BCAT1: variants seen among roughly 807,000 people sequenced by gnomAD.
The protein encoded by BCAT1 is branched chain amino acid transaminase 1.
A neutral mutation model predicts 52.4 loss-of-function variants in BCAT1; 48 were observed. The observed-to-expected ratio is 0.92, with a 90% CI of 0.73 to 1.16. The LOEUF (loss-of-function observed/expected upper bound fraction) is 1.16, where lower values mean the gene tolerates loss of function less well. Among genes scored for constraint, BCAT1 ranks in the 50% most tolerant of loss-of-function variants. The probability of loss-of-function intolerance (pLI) is 0.00; values close to 1 mark genes in which losing one functional copy is unlikely to be tolerated. For missense variants in BCAT1, 451 were observed against 457.1 expected (o/e 0.99, Z 0.12); for synonymous variants, 167 against 161.3 (o/e 1.04, Z -0.27).
Position 24,881,327 on chromosome 12 carries a change from G to A in BCAT1, c.364C>T (p.Arg122Cys), listed in dbSNP as rs754236756. Residue 122 changes from arginine (R) to cysteine (C), a missense_variant, in exon 4 of 11, where the codon CGC becomes TGC. Coordinates refer to ENST00000261192, the MANE Select transcript of BCAT1 (RefSeq NM_005504.7). ...QPNLNMDRMYRSAVRATLPVF... is the reference protein window; with the variant it reads ...QPNLNMDRMYCSAVRATLPVF... ...GGCAGAGTTGCCCTCACAGCAGAGC[G>A]ATACATTCTATCCATGTTGAGGTTT... The A allele has an allele frequency of 1.3e-5, 21 of 1,612,246 alleles. No individual in the cohort carries two copies. Among genetic ancestry groups the A allele is most frequent in the East Asian group, 6.7e-5 (3 of 44,878 alleles).
At chr12:24,856,067 G>A (rs1941672533) in intron 5 of BCAT1, among the ~76,000 whole-genome samples, 1 of 152,208 alleles carries the variant, frequency 6.6e-6, no homozygotes, top group Non-Finnish European at 1.5e-5. Context: ...TGGCTTCCAT[G>A]TGTTGATTGA....
At chr12:24,874,041 A>G (rs1942256928) in intron 5 of BCAT1, among the ~76,000 whole-genome samples, 1 of 152,228 alleles carries the variant, frequency 6.6e-6, no homozygotes, top group Non-Finnish European at 1.5e-5. Flanking sequence ...GAGGCCGGGC[A>G]TGGTGGCTCA....
chr12:24,856,252 C>A (rs1475602946), intron 5 of BCAT1, among the ~76,000 whole-genome samples: 1 of 152,146 alleles, frequency 6.6e-6, no homozygotes, highest in African/African-American at 2.4e-5. Context: ...AAATAGCCTT[C>A]ACCCTCTACA....
At chr12:24,948,723 T>C (rs116054237) in intron 1 of BCAT1, among the ~76,000 whole-genome samples, 3,975 of 151,978 alleles carry the variant, frequency 0.026, 206 homozygotes, top group African/African-American at 0.091. Flanking sequence ...GTCCTGCGAG[T>C]GGAGGTTAAA....
In BCAT1 at chr12:24,822,734, G is replaced by A. The variant is rs561266404; in HGVS notation, c.1120-4685C>T. Among the ~76,000 whole-genome samples, 14 of 152,250 alleles carry A rather than the reference G, an allele frequency of 9.2e-5. No individual in the cohort carries two copies. In the South Asian group the frequency reaches 2.9e-3, roughly 32 times the overall value. On this transcript the variant is annotated intron_variant, in intron 10 of 10. Coordinates refer to ENST00000261192, the MANE Select transcript of BCAT1 (RefSeq NM_005504.7). ...GCACATTTGGTAGTTCTGGTTTGTG[G>A]TTAGTTCAGAACCACTGTTTCCACC... is the stretch of plus-strand genomic sequence containing the variant.
intron 2 of BCAT1, among the ~76,000 whole-genome samples, chr12:24,899,387 C>T (rs758305633): frequency 1.8e-4 from 27 of 151,968 alleles, no homozygotes; most frequent in Non-Finnish European, 3.1e-4. Flanking sequence ...ATAACAGATG[C>T]TGATGAGGAT....
rs564933286 is a variant in BCAT1, at chr12:24,896,437, T to C, written c.79-1962A>G. 3.0e-4 allele frequency among the ~76,000 whole-genome samples: 45 copies of C among 152,280 alleles called. No homozygotes were observed. In the South Asian group the frequency reaches 8.3e-3, roughly 28 times the overall value. On this transcript the variant is annotated intron_variant, in intron 2 of 10. Coordinates refer to ENST00000261192, the MANE Select transcript of BCAT1 (RefSeq NM_005504.7). ...CCAACTAGTTGTAACAGAAACCTGA[T>C]GGCCCTCAAGCCTAAAATATTTATC...
At chr12:24,863,885 G>A (rs754338945) in intron 5 of BCAT1, among the ~76,000 whole-genome samples, 12 of 151,854 alleles carry the variant, frequency 7.9e-5, no homozygotes, top group Non-Finnish European at 1.6e-4. Flanking sequence ...GAGCTATGAT[G>A]ACACCACTGT....
At chr12:24,900,918 G>T (rs1421276781) in intron 2 of BCAT1, among the ~76,000 whole-genome samples, 1 of 152,178 alleles carries the variant, frequency 6.6e-6, no homozygotes. Flanking sequence ...GTGACAGAGC[G>T]AGACCCTGTC....
chr12:24,939,742 A>G (rs1943820722), intron 1 of BCAT1, among the ~76,000 whole-genome samples: 2 of 152,176 alleles, frequency 1.3e-5, no homozygotes, highest in Non-Finnish European at 2.9e-5. Flanking sequence ...GAGGCTGAGG[A>G]GAATCGCTTG....
intron 3 of BCAT1, among the ~76,000 whole-genome samples, chr12:24,893,107 T>A (rs74385158): frequency 6.6e-6 from 1 of 152,302 alleles, no homozygotes; most frequent in East Asian, 1.9e-4. Context: ...GGTGTATACA[T>A]GTAGGGGCTA....
At chr12:24,909,198 G>A (rs1035360712) in intron 1 of BCAT1, among the ~76,000 whole-genome samples, 1 of 151,766 alleles carries the variant, frequency 6.6e-6, no homozygotes, top group Non-Finnish European at 1.5e-5. Flanking sequence ...AAAAAATAAG[G>A]CCCAGTTTGG....
At chr12:24,932,509 A>G (rs920833913) in intron 1 of BCAT1, among the ~76,000 whole-genome samples, 2 of 152,246 alleles carry the variant, frequency 1.3e-5, no homozygotes, top group Non-Finnish European at 2.9e-5. Flanking sequence ...TTTTATTCAT[A>G]TTGCATCACT....
chr12:24,880,898 T>G (rs1942474662), intron 4 of BCAT1, among the ~76,000 whole-genome samples: 1 of 151,870 alleles, frequency 6.6e-6, no homozygotes, highest in African/African-American at 2.4e-5. Context: ...GGCAGTGATG[T>G]GATTATCTTG....
At chr12:24,902,324 G>C in intron 1 of BCAT1, 1 of 1,248,994 alleles carries the variant, frequency 8.0e-7, no homozygotes, top group Non-Finnish European at 1.0e-6. Context: ...GCCTGCAAAG[G>C]GAACGGGGAC....
intron 1 of BCAT1, among the ~76,000 whole-genome samples, chr12:24,909,877 G>A (rs1300531717): frequency 6.6e-6 from 1 of 152,140 alleles, no homozygotes; most frequent in Non-Finnish European, 1.5e-5. Flanking sequence ...ACATGGAGGA[G>A]CCACGTGCAG....
chr12:24,931,890 C>T (rs1340519951), intron 1 of BCAT1, among the ~76,000 whole-genome samples: 1 of 152,152 alleles, frequency 6.6e-6, no homozygotes, highest in Non-Finnish European at 1.5e-5. Context: ...AAGAGGAAGT[C>T]TTAGGCAGGC....
intron 4 of BCAT1, among the ~76,000 whole-genome samples, chr12:24,880,132 G>C (rs1006114868): frequency 2.0e-5 from 3 of 152,272 alleles, no homozygotes; most frequent in Middle Eastern, 3.4e-3. Flanking sequence ...CCGTCCTCAG[G>C]CTTCCTGAAT....
chr12:24,832,935 G>A (rs993456299), intron 8 of BCAT1, 72 bp from the exon 9 acceptor site: 18 of 1,419,356 alleles, frequency 1.3e-5, no homozygotes, highest in Non-Finnish European at 1.5e-5. Context: ...AATACTTACT[G>A]TTCTGCTTAA....
Sources: allele counts gnomAD v4.1 joint callset (sites outside exome capture counted in the v4.1 genomes callset), GRCh38; gene constraint gnomAD v4.1.1; transcripts MANE v1.5; gene names NCBI Gene and HGNC (gene_info 2026-07-23, HGNC 2026-07-21).